POU6F2: variants seen among roughly 807,000 people sequenced by gnomAD.
POU6F2 encodes POU domain, class 6, transcription factor 2.
In POU6F2, 31 loss-of-function variants were observed where a neutral mutation model predicts 71.3. The ratio of observed to expected loss-of-function variants is 0.43; its 90% CI spans 0.33 to 0.59. The LOEUF (loss-of-function observed/expected upper bound fraction) is 0.59. Among genes scored for constraint, POU6F2 ranks in the 20% least tolerant of loss-of-function variants. The pLI is 0.04. For missense variants in POU6F2, 783 were observed against 856.8 expected, an observed-to-expected ratio of 0.91 and a Z score of 1.07; for synonymous variants, 347 against 355.7, an observed-to-expected ratio of 0.98 and a Z score of 0.27.
At chr7:39,157,052 T>C (rs888932181) in intron 2 of POU6F2, among the ~76,000 whole-genome samples, 4 of 152,224 alleles carry the variant, frequency 2.6e-5, no homozygotes, top group African/African-American at 9.6e-5. Context: ...TCTTTGTATT[T>C]ATTGTAATCT....
intron 2 of POU6F2, among the ~76,000 whole-genome samples, chr7:39,086,683 G>C (rs1791252258): frequency 6.6e-6 from 1 of 152,102 alleles, no homozygotes; most frequent in African/African-American, 2.4e-5. Flanking sequence ...GGCAGCCCAA[G>C]ACCTTTTAGG....
intron 1 of POU6F2, among the ~76,000 whole-genome samples, chr7:39,002,336 T>TTTGTTGTTGTTGTTG (rs527720585): frequency 1.0e-4 from 15 of 144,624 alleles, no homozygotes; most frequent in Admixed American, 3.4e-4. Context: ...ATTTACAAGT[T>TTTGTTGTTGTTGTTG]TTGTTGTTGT....
intron 7 of POU6F2, among the ~76,000 whole-genome samples, chr7:39,445,227 C>T (rs951364132): frequency 2.0e-5 from 3 of 152,180 alleles, no homozygotes; most frequent in African/African-American, 7.2e-5. Flanking sequence ...CACTGATTCT[C>T]AATTTTTTCT....
chr7:39,078,642 T>C (rs1534415), intron 1 of POU6F2, among the ~76,000 whole-genome samples: 126,440 of 152,182 alleles, frequency 0.83, 52,805 homozygotes, highest in East Asian at 1. Context: ...TGATCAAACC[T>C]GGGGCGGAGC....
intron 1 of POU6F2, among the ~76,000 whole-genome samples, chr7:38,979,342 G>C (rs1373278089): frequency 1.3e-5 from 2 of 152,094 alleles, no homozygotes; most frequent in Admixed American, 6.6e-5. Context: ...AAGCACTTCA[G>C]GGTTCTGAAA....
chr7:39,404,307 A>G (rs1470221772), intron 5 of POU6F2, among the ~76,000 whole-genome samples: 1 of 152,256 alleles, frequency 6.6e-6, no homozygotes. Flanking sequence ...AGCAAACTGC[A>G]TGGGACTATA....
Position 39,432,975 on chromosome 7 carries a change from C to T in POU6F2, c.1114-102C>T. ...GAGCTGCTTGCAGATTCTGAGTCGGCTCCCAGGGAGCATCCTAGAGAGACC... is the reference window on the plus strand; with the variant it reads ...GAGCTGCTTGCAGATTCTGAGTCGGTTCCCAGGGAGCATCCTAGAGAGACC... On this transcript the variant is annotated intron_variant, in intron 6 of 9. Coordinates refer to ENST00000518318, the MANE Select transcript of POU6F2 (RefSeq NM_001370959.1). The T allele has an allele frequency of 4.2e-6, 5 of 1,202,016 alleles. No homozygotes were observed. The South Asian group carries it at 7.3e-5, about 18-fold the overall frequency. 74.5% of individuals were successfully genotyped at this position (1,202,016 alleles called of 1,614,324 possible).
At position 39,464,191 on chromosome 7, in the gene POU6F2, C is replaced by T; in HGVS notation, c.1668C>T (p.Ile556=). The T allele has an allele frequency of 1.2e-6, 2 of 1,613,632 alleles. No homozygotes were observed. The highest frequency in any genetic ancestry group is 1.7e-6 in the Non-Finnish European group (2 of 1,179,636). The change falls in exon 10 of 10, where the codon ATC becomes ATT. Residue 556 remains isoleucine (I), a synonymous_variant. Transcript: ENST00000518318. The surrounding 1 kb of genome is among the most constrained non-coding windows in gnomAD (Gnocchi z 4.1). ...YSQSAICRHT[I]LRSHFFLPQE... ...CAATTTTCCCCCCCAGACACACCAT[C>T]CTGAGAAGCCACTTTTTCCTACCAC...
chr7:38,986,782 A>G (rs186544170), intron 1 of POU6F2, among the ~76,000 whole-genome samples: 48 of 152,244 alleles, frequency 3.2e-4, no homozygotes, highest in Admixed American at 9.8e-4. Context: ...ACTGTTAACT[A>G]TTTCTTATAT....
rs1794034220 is a variant in POU6F2, at chr7:39,207,334, T to A, written c.370-58T>A. 2.6e-6 allele frequency: 4 copies of A among 1,532,012 alleles called. No homozygotes were observed. In the South Asian group the frequency reaches 3.6e-5, roughly 14 times the overall value. The allele number at this position is 1,532,012 out of a possible 1,614,324, so 94.9% of individuals were successfully genotyped here. A position where few individuals can be genotyped will look rare whatever the true frequency, so the allele number is the denominator to read the frequency against. ...TACTTAAGTGGAAAGAAGATGTTTT[T>A]AAAACCCATGCCTTGGTTCCACAGG... is the stretch of plus-strand genomic sequence containing the variant. On this transcript the variant is annotated intron_variant, in intron 3 of 9. Transcript: ENST00000518318.
At chr7:39,328,591 A>G (rs1785569857) in intron 4 of POU6F2, among the ~76,000 whole-genome samples, 1 of 152,226 alleles carries the variant, frequency 6.6e-6, no homozygotes, top group Non-Finnish European at 1.5e-5. Flanking sequence ...AAACTGAAGA[A>G]GATAGATTAT....
At position 39,074,983 on chromosome 7, in the gene POU6F2, C is replaced by T. The variant is rs538793589; in HGVS notation, c.106-10877C>T. Among the ~76,000 whole-genome samples, 15 of 152,244 alleles carry T rather than the reference C, an allele frequency of 9.9e-5. No individual in the cohort carries two copies. The South Asian group carries it at 3.1e-3, about 32-fold the overall frequency. Reference sequence around the variant, plus strand: ...AAATGAAGGCTCAGAGAACTGTGCCCTTCAGTGAGTAGAAGGTGAACCCAA... The same window carrying T: ...AAATGAAGGCTCAGAGAACTGTGCCTTTCAGTGAGTAGAAGGTGAACCCAA... On this transcript the variant is annotated intron_variant, in intron 1 of 9. Coordinates refer to ENST00000518318, the MANE Select transcript of POU6F2 (RefSeq NM_001370959.1).
chr7:39,241,082 C>T (rs983173837), intron 4 of POU6F2, among the ~76,000 whole-genome samples: 16 of 152,128 alleles, frequency 1.1e-4, no homozygotes, highest in African/African-American at 3.4e-4. Flanking sequence ...CTCCCTTCCC[C>T]GCAAGACTTC....
chr7:39,163,185 T>C (rs1793034597), intron 2 of POU6F2, among the ~76,000 whole-genome samples: 1 of 152,196 alleles, frequency 6.6e-6, no homozygotes, highest in Non-Finnish European at 1.5e-5. Context: ...TGTGGACAAT[T>C]AATTAGATAA....
intron 4 of POU6F2, among the ~76,000 whole-genome samples, chr7:39,233,500 G>A (rs555920486): frequency 4.3e-4 from 65 of 152,302 alleles, no homozygotes; most frequent in African/African-American, 1.5e-3. Flanking sequence ...GGGACTTGTA[G>A]GAAGGGTCTG....
intron 4 of POU6F2, among the ~76,000 whole-genome samples, chr7:39,218,498 C>T (rs533168870): frequency 6.6e-6 from 1 of 152,270 alleles, no homozygotes; most frequent in East Asian, 1.9e-4. Context: ...AGTGAGAGGT[C>T]ACAGCTATTA....
At chr7:39,107,102 T>C (rs1446891530) in intron 2 of POU6F2, among the ~76,000 whole-genome samples, 1 of 151,446 alleles carries the variant, frequency 6.6e-6, no homozygotes. Flanking sequence ...TGGAGTGTAG[T>C]GTTGTGATCA....
intron 1 of POU6F2, among the ~76,000 whole-genome samples, chr7:39,079,180 C>CG (rs1791062465): frequency 1.3e-5 from 1 of 79,306 alleles, no homozygotes; most frequent in Non-Finnish European, 2.2e-5. Flanking sequence ...CTCACAATAT[C>CG]TTTTTTTTTT....
chr7:39,089,119 T>C (rs1385702165), intron 2 of POU6F2, among the ~76,000 whole-genome samples: 1 of 152,214 alleles, frequency 6.6e-6, no homozygotes, highest in Non-Finnish European at 1.5e-5. Context: ...CCTTGTGTTT[T>C]ATAAAGTAAT....
Sources: allele counts gnomAD v4.1 joint callset (sites outside exome capture counted in the v4.1 genomes callset), GRCh38; gene constraint gnomAD v4.1.1; non-coding constraint Gnocchi (gnomAD v3.1); transcripts MANE v1.5; gene names NCBI Gene and HGNC (gene_info 2026-07-23, HGNC 2026-07-21).